Variants in NDUFAF1 observed in about 807,000 individuals in gnomAD.
The protein encoded by NDUFAF1 is complex I intermediate-associated protein 30, mitochondrial.
In NDUFAF1, 18 loss-of-function variants were observed where a neutral mutation model predicts 28.7. The ratio of observed to expected loss-of-function variants is 0.63; its 90% CI spans 0.43 to 0.93. The LOEUF is 0.93. Ranked by LOEUF, NDUFAF1 falls within the 40% of genes least tolerant of loss-of-function variation. NDUFAF1 has a pLI of 0.00. For missense variants in NDUFAF1, 404 were observed against 398.3 expected (o/e 1.01, Z -0.12); for synonymous variants, 113 against 139.7 (o/e 0.81, Z 1.35).
chr15:41,397,538 G>A (rs1227707382), intron 1 of NDUFAF1, among the ~76,000 whole-genome samples: 3 of 152,126 alleles, frequency 2.0e-5, no homozygotes, highest in South Asian at 2.1e-4. Flanking sequence ...GGTGGCTGAC[G>A]CCTGTAATCC....
At position 41,394,923 on chromosome 15, in the gene NDUFAF1, C is replaced by A. The variant is rs374200282; in HGVS notation, c.695G>T (p.Arg232Met). 1 of 1,614,152 alleles carries A rather than the reference C, an allele frequency of 6.2e-7. No homozygotes were observed. The highest frequency in any genetic ancestry group is 1.3e-5 in the African/African-American group (1 of 75,030). The stretch of plus-strand genomic sequence containing the variant: ...GAAGTAACTATACATCTGATTCGTC[C>A]TCTGGAAGAAATCTGTGTCCTCCTT... ...NIKEDTDFFQ[R>M]TNQMYSYFMF... The change falls in exon 3 of 5, where the codon AGG becomes ATG. Residue 232 changes from arginine (R) to methionine (M), a missense_variant. Arg to Met is a moderately conservative substitution (Grantham distance 91). Transcript: ENST00000260361.
chr15:41,387,730 C>T, intron 4 of NDUFAF1, 137 bp from the exon 5 acceptor site: 1 of 683,926 alleles, frequency 1.5e-6, no homozygotes, highest in South Asian at 1.8e-5. Context: ...ACTACTAATT[C>T]TCCCATAGCA....
At position 41,396,631 on chromosome 15, in the gene NDUFAF1, C is replaced by T. The variant is rs764849578; in HGVS notation, c.429G>A (p.Thr143=). The T allele has an allele frequency of 1.2e-5, 20 of 1,614,014 alleles. No individual in the cohort carries two copies. The highest frequency in any genetic ancestry group is 2.2e-5 in the East Asian group (1 of 44,894). The change falls in exon 2 of 5, where the codon ACG becomes ACA. Residue 143 remains threonine (T), a synonymous_variant. Transcript: ENST00000260361. ...AAAACACTTCACTTCTGCCTCCAAT[C>T]GTCTTATCAGAAGTCACTGTCCACT... ...LDKWTVTSDK[T]IGGRSEVFLK...
intron 4 of NDUFAF1, 136 bp downstream of exon 4, chr15:41,388,312 T>C: frequency 1.4e-6 from 1 of 706,732 alleles, no homozygotes; most frequent in East Asian, 2.6e-5. Context: ...TAAGTCAGCC[T>C]CTGGCTGGGT....
intron 3 of NDUFAF1, chr15:41,394,330 G>A (rs904281406): frequency 7.8e-7 from 1 of 1,287,344 alleles, no homozygotes; most frequent in African/African-American, 1.5e-5. Flanking sequence ...CACCACGCAG[G>A]CCTAGGACAC....
chr15:41,389,439 C>T (rs1280243772), intron 3 of NDUFAF1, among the ~76,000 whole-genome samples: 1 of 152,048 alleles, frequency 6.6e-6, no homozygotes, highest in African/African-American at 2.4e-5. Context: ...AAAACAGGTA[C>T]AGAGTATGCT....
At chr15:41,395,738 G>A (rs770335749) in intron 2 of NDUFAF1, among the ~76,000 whole-genome samples, 3 of 122,754 alleles carry the variant, frequency 2.4e-5, no homozygotes, top group East Asian at 2.7e-4. Flanking sequence ...GCAATGGCAC[G>A]ATCTCAGCTC....
intron 1 of NDUFAF1, among the ~76,000 whole-genome samples, chr15:41,400,854 T>C (rs2050453081): frequency 1.3e-5 from 2 of 151,896 alleles, no homozygotes; most frequent in Admixed American, 6.6e-5. Context: ...AACACTTTCA[T>C]ATCACCCTGA....
rs1164073106 is a variant in NDUFAF1, at chr15:41,402,447, C to G, written c.-385G>C. On this transcript the variant is annotated 5_prime_UTR_variant, in exon 1 of 5. Coordinates refer to ENST00000260361, the MANE Select transcript of NDUFAF1 (RefSeq NM_016013.4). Reference sequence around the variant, plus strand: ...CAACCGCCGGCCTGCCGCCGCTTACCTCCCCGAGCCTATAGTGTACCTTCC... The same window carrying G: ...CAACCGCCGGCCTGCCGCCGCTTACGTCCCCGAGCCTATAGTGTACCTTCC... 2.3e-6 allele frequency: 1 copy of G among 428,300 alleles called. No individual in the cohort carries two copies. The highest frequency in any genetic ancestry group is 7.1e-5 in the East Asian group (1 of 14,016). 26.5% of individuals were successfully genotyped at this position (428,300 alleles called of 1,614,324 possible). A position where few individuals can be genotyped will look rare whatever the true frequency, so the allele number is the denominator to read the frequency against.
intron 3 of NDUFAF1, among the ~76,000 whole-genome samples, chr15:41,390,650 G>A (rs566987805): frequency 6.6e-6 from 1 of 151,670 alleles, no homozygotes; most frequent in East Asian, 1.9e-4. Flanking sequence ...GCGTGAACCC[G>A]GGAGGCGGAG....
chr15:41,397,147 C>T lies in NDUFAF1; in HGVS notation c.-81-7G>A. On this transcript the variant is annotated splice_polypyrimidine_tract_variant and splice_region_variant and intron_variant, in intron 1 of 4. Coordinates refer to ENST00000260361, the MANE Select transcript of NDUFAF1 (RefSeq NM_016013.4). ...GCAAATAGCCCAATTCTACCTATAA[C>T]AGAAGAGACATTGAAGAATTATCAG... 9.8e-7 allele frequency: 1 copy of T among 1,019,540 alleles called. No homozygotes were observed. The highest frequency in any genetic ancestry group is 1.5e-6 in the Non-Finnish European group (1 of 672,168). The allele number at this position is 1,019,540 out of a possible 1,614,324, so 63.2% of individuals were successfully genotyped here.
intron 3 of NDUFAF1, among the ~76,000 whole-genome samples, chr15:41,393,020 G>A (rs781595233): frequency 4.5e-4 from 69 of 152,060 alleles, no homozygotes; most frequent in Non-Finnish European, 5.4e-4. Context: ...TGGAAGCAGA[G>A]GTGACAGGAC....
Position 41,397,073 on chromosome 15 carries a change from C to T in NDUFAF1, c.-14G>A. ...AACCAAAGCCATGGTACAAAAAAAT[C>T]AAAATGTAAGTTTCTTCCTGGGCTA... On this transcript the variant is annotated 5_prime_UTR_variant, in exon 2 of 5. Coordinates refer to ENST00000260361, the MANE Select transcript of NDUFAF1 (RefSeq NM_016013.4). 1 of 1,612,440 alleles carries T rather than the reference C, an allele frequency of 6.2e-7. No homozygotes were observed.
chr15:41,391,548 C>T (rs971956868), intron 3 of NDUFAF1, among the ~76,000 whole-genome samples: 1 of 148,952 alleles, frequency 6.7e-6, no homozygotes, highest in Non-Finnish European at 1.5e-5. Flanking sequence ...CAAAGGTTGC[C>T]GTAAGCTGGA....
Position 41,396,736 on chromosome 15 carries a change from C to T in NDUFAF1, c.324G>A (p.Pro108=), listed in dbSNP as rs776040464. The T allele has an allele frequency of 1.5e-5, 25 of 1,614,030 alleles. No individual in the cohort carries two copies. Among genetic ancestry groups the T allele is most frequent in the Admixed American group, 1.3e-4 (8 of 59,954 alleles). ...AGACCTCATGCAGAGGGTGGCCTTC[C>T]GGTCCTCTCCAATGATCCACAATTT... The part of the protein sequence containing the change: ...KDEIVDHWRG[P]EGHPLHEVLL... The change falls in exon 2 of 5, where the codon CCG becomes CCA. Residue 108 remains proline, a synonymous_variant. Coordinates refer to ENST00000260361, the MANE Select transcript of NDUFAF1 (RefSeq NM_016013.4).
At chr15:41,395,704 C>T (rs1451044834) in intron 2 of NDUFAF1, among the ~76,000 whole-genome samples, 4 of 106,596 alleles carry the variant, frequency 3.8e-5, no homozygotes, top group East Asian at 3.2e-4. Context: ...GACAAAGTTT[C>T]GCTCTTGTTG....
At chr15:41,400,406 T>C (rs1339228944) in intron 1 of NDUFAF1, among the ~76,000 whole-genome samples, 2 of 151,402 alleles carry the variant, frequency 1.3e-5, no homozygotes, top group Non-Finnish European at 2.9e-5. Context: ...GAGGTCTTGT[T>C]ATGTTGCTCA....
chr15:41,399,853 C>T (rs146455224), intron 1 of NDUFAF1, among the ~76,000 whole-genome samples: 6 of 76,476 alleles, frequency 7.8e-5, no homozygotes, highest in African/African-American at 1.2e-4. Context: ...GAGACTCCTT[C>T]TCAAAAAAAA....
chr15:41,394,177 C>T (rs775019783), intron 3 of NDUFAF1: 22 of 450,796 alleles, frequency 4.9e-5, no homozygotes, highest in East Asian at 2.1e-4. Context: ...TACAGGCATG[C>T]GCCACCACGC....
Sources: gnomAD v4.1 joint callset for allele counts (sites outside exome capture counted in the v4.1 genomes callset) on GRCh38, gnomAD v4.1.1 for gene constraint, MANE v1.5 for transcripts, NCBI Gene and HGNC (gene_info 2026-07-23, HGNC 2026-07-21) for gene names.